Variants in STK35 observed in about 807,000 individuals in gnomAD.
STK35 encodes the protein serine/threonine kinase 35, also known as serine/threonine-protein kinase 35.
STK35 carries 17 observed loss-of-function variants against 37.3 expected under a neutral mutation model. The ratio of observed to expected loss-of-function variants is 0.46; its 90% CI spans 0.31 to 0.68. The LOEUF (loss-of-function observed/expected upper bound fraction) is 0.68, where lower values mean the gene tolerates loss of function less well. Ranked by LOEUF, STK35 falls within the 30% of genes least tolerant of loss-of-function variation. The probability of loss-of-function intolerance (pLI) is 0.05; values close to 1 mark genes in which losing one functional copy is unlikely to be tolerated. For missense variants in STK35, 595 were observed against 746.7 expected, an observed-to-expected ratio of 0.80 and a Z score of 2.37; for synonymous variants, 385 against 319.1, an observed-to-expected ratio of 1.21 and a Z score of -2.20.
intron 1 of STK35, 121 bp from the exon 2 acceptor site, chr20:2,102,647 G>T (rs993386363): frequency 1.1e-6 from 1 of 898,234 alleles, no homozygotes. Flanking sequence ...AATCAGCGGC[G>T]GTGGCTTCCG....
intron 2 of STK35, among the ~76,000 whole-genome samples, chr20:2,108,437 G>A (rs1431885154): frequency 1.3e-5 from 2 of 152,186 alleles, no homozygotes; most frequent in African/African-American, 4.8e-5. Context: ...TTGAACCCGG[G>A]AGGCAGAGGC....
At position 2,148,409 on chromosome 20, in the gene STK35, GGGTT is replaced by G. The variant is rs1986310887; in HGVS notation, c.*4667_*4670del. ...AATATTTTTTGTACTTGGTTTACTT[GGGTT>G]GGTATGATACATTATATTTAAGTTC... is the stretch of plus-strand genomic sequence containing the variant. On this transcript the variant is annotated 3_prime_UTR_variant, in exon 4 of 4. Transcript: ENST00000381482. The G allele has an allele frequency of 6.6e-6, 1 of 152,614 alleles. No homozygotes were observed. Among genetic ancestry groups the G allele is most frequent in the Non-Finnish European group, 1.5e-5 (1 of 68,040 alleles). The allele number at this position is 152,614 out of a possible 1,614,324, so 9.5% of individuals were successfully genotyped here. A position where few individuals can be genotyped will look rare whatever the true frequency, so the allele number is the denominator to read the frequency against.
intron 2 of STK35, among the ~76,000 whole-genome samples, chr20:2,104,728 A>G (rs1372033193): frequency 6.6e-6 from 1 of 152,184 alleles, no homozygotes; most frequent in Non-Finnish European, 1.5e-5. Context: ...CAGTTGTTTG[A>G]CAGTGGAGTT....
In STK35 at chr20:2,133,560, C is replaced by T. The variant is rs147433932; in HGVS notation, c.*38-10224C>T. Among the ~76,000 whole-genome samples the T allele has an allele frequency of 1.9e-3, 284 of 152,320 alleles. 1 individual carries two copies. Among genetic ancestry groups the T allele is most frequent in the African/African-American group, 6.4e-3 (265 of 41,564 alleles). On this transcript the variant is annotated intron_variant, in intron 3 of 3. Transcript: ENST00000381482. ...AAAGTGCTTAGAGGAACTACCATCC[C>T]AGTGCCCTATTGCCTCTTGACCTCC...
At chr20:2,142,527 A>G (rs1275213070) in intron 3 of STK35, among the ~76,000 whole-genome samples, 1 of 152,198 alleles carries the variant, frequency 6.6e-6, no homozygotes, top group Non-Finnish European at 1.5e-5. Context: ...GGGCCAAGGT[A>G]GGTGGATCAC....
chr20:2,126,378 G>GT (rs1230100782), intron 3 of STK35, among the ~76,000 whole-genome samples: 3 of 152,108 alleles, frequency 2.0e-5, no homozygotes, highest in Non-Finnish European at 4.4e-5. Flanking sequence ...AGTGGAGGAG[G>GT]TGGTATTCCA....
chr20:2,110,261 C>T (rs948306419), intron 2 of STK35, among the ~76,000 whole-genome samples: 1 of 152,210 alleles, frequency 6.6e-6, no homozygotes, highest in Non-Finnish European at 1.5e-5. Context: ...ATTCAAACTT[C>T]ATTTTTCGGG....
chr20:2,138,236 G>A (rs1986117851), intron 3 of STK35, among the ~76,000 whole-genome samples: 1 of 152,182 alleles, frequency 6.6e-6, no homozygotes, highest in African/African-American at 2.4e-5. Flanking sequence ...CCAATGGGAT[G>A]ACTTTCTTTT....
chr20:2,115,325 T>C (rs761040927), intron 2 of STK35, among the ~76,000 whole-genome samples: 2 of 152,088 alleles, frequency 1.3e-5, no homozygotes, highest in Non-Finnish European at 2.9e-5. Context: ...TTCTTTGTAA[T>C]AGAGTAAATG....
chr20:2,103,592 C>T (rs913464102), intron 2 of STK35, among the ~76,000 whole-genome samples: 10 of 152,148 alleles, frequency 6.6e-5, no homozygotes, highest in Non-Finnish European at 1.3e-4. Context: ...AACAAGAGCT[C>T]GTTTAAGTGC....
At position 2,116,911 on chromosome 20, in the gene STK35, G is replaced by A. The variant is rs1985726640; in HGVS notation, c.1138G>A (p.Ala380Thr). The change falls in exon 3 of 4, where the codon GCC becomes ACC. Residue 380 changes from alanine to threonine, a missense_variant. Ala to Thr is a moderately conservative substitution (Grantham distance 58). Coordinates refer to ENST00000381482, the MANE Select transcript of STK35 (RefSeq NM_080836.4). Reference protein sequence around the residue: ...ERSGTPILKVADFGLSKVCAG... With the variant: ...ERSGTPILKVTDFGLSKVCAG... ...GTCTGGCACCCCCATCCTCAAAGTG[G>A]CCGACTTTGGACTAAGCAAGGTCTG... The A allele has an allele frequency of 6.2e-7, 1 of 1,614,134 alleles. No individual in the cohort carries two copies. The highest frequency in any genetic ancestry group is 8.5e-7 in the Non-Finnish European group (1 of 1,180,032).
chr20:2,128,636 G>C (rs1188002330), intron 3 of STK35, among the ~76,000 whole-genome samples: 1 of 152,102 alleles, frequency 6.6e-6, no homozygotes, highest in African/African-American at 2.4e-5. Flanking sequence ...GGGCTTCCCT[G>C]GGGAAGTGGA....
intron 3 of STK35, among the ~76,000 whole-genome samples, chr20:2,128,475 C>A (rs889173489): frequency 1.3e-5 from 2 of 152,116 alleles, no homozygotes; most frequent in Non-Finnish European, 2.9e-5. Flanking sequence ...TCTGTCCTGG[C>A]GTGTTCCTAG....
At position 2,122,966 on chromosome 20, in the gene STK35, G is replaced by A. The variant is rs147328940; in HGVS notation, c.*37+5551G>A. 1.9e-3 allele frequency among the ~76,000 whole-genome samples: 295 copies of A among 152,302 alleles called. 2 individuals are homozygous for A. Among genetic ancestry groups the A allele is most frequent in the Middle Eastern group, 0.01 (3 of 294 alleles). ...GATCTCTTTCTTATTTGTCGCTTTT[G>A]AAAGATGTTTAATAATTCCTAATGG... On this transcript the variant is annotated intron_variant, in intron 3 of 3. Transcript: ENST00000381482.
chr20:2,128,794 G>A (rs1016569728), intron 3 of STK35, among the ~76,000 whole-genome samples: 3 of 152,118 alleles, frequency 2.0e-5, no homozygotes, highest in Non-Finnish European at 4.4e-5. Context: ...ATAGGAAACA[G>A]GGAAGCCCCC....
chr20:2,132,082 A>C (rs1284864236), intron 3 of STK35, among the ~76,000 whole-genome samples: 2 of 151,702 alleles, frequency 1.3e-5, no homozygotes, highest in East Asian at 1.9e-4. Context: ...TGTCCCCCCA[A>C]CTCCCACTCC....
intron 2 of STK35, among the ~76,000 whole-genome samples, chr20:2,104,907 C>T (rs965543123): frequency 6.6e-6 from 1 of 152,002 alleles, no homozygotes; most frequent in African/African-American, 2.4e-5. Flanking sequence ...AATCCCAGCA[C>T]TTTGGGAGGC....
chr20:2,102,561 T>C (rs899174496), intron 1 of STK35, among the ~76,000 whole-genome samples: 6 of 152,230 alleles, frequency 3.9e-5, no homozygotes, highest in African/African-American at 1.4e-4. Flanking sequence ...GAGTTTGTGC[T>C]TTTCTTTCCG....
intron 3 of STK35, among the ~76,000 whole-genome samples, chr20:2,142,924 A>G (rs1436999267): frequency 6.6e-6 from 1 of 152,232 alleles, no homozygotes; most frequent in Non-Finnish European, 1.5e-5. Context: ...CTCCAGTAGA[A>G]TAAGCCACTG....
Sources: allele counts gnomAD v4.1 joint callset (sites outside exome capture counted in the v4.1 genomes callset), GRCh38; gene constraint gnomAD v4.1.1; transcripts MANE v1.5; gene names NCBI Gene and HGNC (gene_info 2026-07-23, HGNC 2026-07-21).